The following PKN2 variants were observed in gnomAD, a reference collection of about 807,000 sequenced individuals.
The protein encoded by PKN2 is serine/threonine-protein kinase N2.
Under a neutral mutation model 119.1 loss-of-function variants are expected in PKN2, and 38 were observed. That is an observed-to-expected ratio of 0.32 (90% CI 0.25 to 0.42). The LOEUF (loss-of-function observed/expected upper bound fraction) is 0.42. Ranked by LOEUF, PKN2 falls within the 10% of genes least tolerant of loss-of-function variation. PKN2 has a pLI of 1.00. For missense variants in PKN2, 850 were observed against 1,165.1 expected (o/e 0.73, Z 3.94); for synonymous variants, 390 against 384.9 (o/e 1.01, Z -0.15).
At chr1:88,726,650 G>T (rs1200299721) in intron 1 of PKN2, among the ~76,000 whole-genome samples, 1 of 152,060 alleles carries the variant, frequency 6.6e-6, no homozygotes, top group African/African-American at 2.4e-5. Context: ...TTCTGTCAGG[G>T]TAACACCAAC....
intron 3 of PKN2, among the ~76,000 whole-genome samples, chr1:88,763,958 C>T (rs1021086934): frequency 1.3e-5 from 2 of 152,156 alleles, no homozygotes; most frequent in African/African-American, 2.4e-5. Context: ...CAGAACTCTG[C>T]TTATTGGATT....
chr1:88,695,530 CTT>C (rs1666507940), intron 1 of PKN2, among the ~76,000 whole-genome samples: 1 of 152,076 alleles, frequency 6.6e-6, no homozygotes, highest in East Asian at 1.9e-4. Flanking sequence ...GTGGCTCAAA[CTT>C]TTTATGTTGT....
chr1:88,734,020 T>C (rs1350836512), intron 1 of PKN2, among the ~76,000 whole-genome samples: 2 of 152,084 alleles, frequency 1.3e-5, no homozygotes, highest in Admixed American at 6.5e-5. Flanking sequence ...TAGCTAGGCA[T>C]AGTGGAGCCC....
In PKN2 at chr1:88,834,852, C is replaced by A. The variant is rs1376524886; in HGVS notation, c.*1404C>A. ...TGATTTTATATTTTTTTCTCCTAATCTATGACTTTATTGTTTTTTCTTAGT... is the reference window on the plus strand; with the variant it reads ...TGATTTTATATTTTTTTCTCCTAATATATGACTTTATTGTTTTTTCTTAGT... On this transcript the variant is annotated 3_prime_UTR_variant, in exon 22 of 22. Transcript: ENST00000370521. 1 of 152,206 alleles carries A rather than the reference C, an allele frequency of 6.6e-6. No individual in the cohort carries two copies. The highest frequency in any genetic ancestry group is 1.5e-5 in the Non-Finnish European group (1 of 67,878). The allele number at this position is 152,206 out of a possible 1,614,324, so 9.4% of individuals were successfully genotyped here. A position where few individuals can be genotyped will look rare whatever the true frequency, so the allele number is the denominator to read the frequency against.
intron 1 of PKN2, among the ~76,000 whole-genome samples, chr1:88,700,009 C>A (rs868231311): frequency 4.6e-5 from 7 of 152,120 alleles, no homozygotes; most frequent in African/African-American, 1.7e-4. Context: ...TCTTGAACTC[C>A]CAACCTCAGG....
At chr1:88,725,917 T>A (rs1214833496) in intron 1 of PKN2, among the ~76,000 whole-genome samples, 1 of 152,214 alleles carries the variant, frequency 6.6e-6, no homozygotes, top group Non-Finnish European at 1.5e-5. Context: ...ACCAATTCTA[T>A]ACATATTTTG....
chr1:88,702,614 T>C (rs1180585033), intron 1 of PKN2, among the ~76,000 whole-genome samples: 2 of 152,220 alleles, frequency 1.3e-5, no homozygotes, highest in African/African-American at 4.8e-5. Context: ...TTATCCCATA[T>C]TCTTTTTTAC....
chr1:88,753,136 C>A (rs1669066554), intron 2 of PKN2, among the ~76,000 whole-genome samples: 1 of 152,152 alleles, frequency 6.6e-6, no homozygotes, highest in Non-Finnish European at 1.5e-5. Context: ...TTTGCCTACA[C>A]CCTAGCTTAT....
chr1:88,832,548 T>C (rs1672771929), intron 19 of PKN2, among the ~76,000 whole-genome samples, 196 bp from the exon 20 acceptor site: 1 of 152,080 alleles, frequency 6.6e-6, no homozygotes, highest in Non-Finnish European at 1.5e-5. Context: ...CTGTAATAGA[T>C]ACATATCTGT....
intron 3 of PKN2, among the ~76,000 whole-genome samples, chr1:88,768,382 G>A (rs1446157431): frequency 6.6e-6 from 1 of 152,174 alleles, no homozygotes; most frequent in Non-Finnish European, 1.5e-5. Flanking sequence ...TTTTCCAGCT[G>A]CTGGAGGCTA....
At chr1:88,803,118 C>A (rs1671393036) in intron 8 of PKN2, among the ~76,000 whole-genome samples, 2 of 152,084 alleles carry the variant, frequency 1.3e-5, no homozygotes, top group Non-Finnish European at 2.9e-5. Context: ...CAGTTCTCTC[C>A]CATATTAATT....
At chr1:88,815,827 C>T (rs1463891359) in intron 16 of PKN2, among the ~76,000 whole-genome samples, 3 of 152,168 alleles carry the variant, frequency 2.0e-5, no homozygotes, top group African/African-American at 4.8e-5. Context: ...CGCAATTAAT[C>T]AAGGCAGTCT....
intron 16 of PKN2, among the ~76,000 whole-genome samples, chr1:88,815,846 A>G (rs786919): frequency 0.58 from 88,435 of 152,066 alleles, 25,986 homozygotes; most frequent in Middle Eastern, 0.82. Flanking sequence ...CTGTTTACAA[A>G]GAAAGAAATC....
chr1:88,748,871 G>T (rs1230966443), intron 2 of PKN2, among the ~76,000 whole-genome samples: 1 of 152,096 alleles, frequency 6.6e-6, no homozygotes, highest in Admixed American at 6.6e-5. Flanking sequence ...AGAGTTTGAG[G>T]CTACATTGAG....
chr1:88,776,498 A>C (rs1670110677), intron 6 of PKN2, among the ~76,000 whole-genome samples: 1 of 151,648 alleles, frequency 6.6e-6, no homozygotes, highest in Admixed American at 6.6e-5. Context: ...CCAGCACTTA[A>C]GGAGGCCGAG....
chr1:88,827,204 TTTGA>T (rs2100927963), intron 18 of PKN2, among the ~76,000 whole-genome samples: 1 of 152,250 alleles, frequency 6.6e-6, no homozygotes, highest in South Asian at 2.1e-4. Context: ...AGACTATATA[TTTGA>T]TTAACATATT....
chr1:88,770,655 G>A (rs1232677559), intron 4 of PKN2, among the ~76,000 whole-genome samples, 186 bp downstream of exon 4: 1 of 148,830 alleles, frequency 6.7e-6, no homozygotes, highest in African/African-American at 2.5e-5. Context: ...GCGGGATCTC[G>A]GCTCACTGCA....
chr1:88,744,107 A>G (rs1208836808), intron 2 of PKN2, among the ~76,000 whole-genome samples: 2 of 152,132 alleles, frequency 1.3e-5, no homozygotes, highest in African/African-American at 4.8e-5. Context: ...CAACAACCAC[A>G]ACATAGAGGA....
At chr1:88,825,681 T>C (rs1672472421) in intron 18 of PKN2, among the ~76,000 whole-genome samples, 1 of 152,210 alleles carries the variant, frequency 6.6e-6, no homozygotes. Context: ...AATAATCTCC[T>C]AATTGTTCCT....
Sources: gnomAD v4.1 joint callset for allele counts (sites outside exome capture counted in the v4.1 genomes callset) on GRCh38, gnomAD v4.1.1 for gene constraint, MANE v1.5 for transcripts, NCBI Gene and HGNC (gene_info 2026-07-23, HGNC 2026-07-21) for gene names.